The following ZNF385D variants were observed in gnomAD, a reference collection of about 807,000 sequenced individuals.
ZNF385D encodes the protein zinc finger protein 659.
In ZNF385D, 15 loss-of-function variants were observed where a neutral mutation model predicts 35.8. That is an observed-to-expected ratio of 0.42 (90% CI 0.28 to 0.64). The LOEUF (loss-of-function observed/expected upper bound fraction) is 0.64. Ranked by LOEUF, ZNF385D falls within the 30% of genes least tolerant of loss-of-function variation. ZNF385D has a pLI of 0.23. For missense variants in ZNF385D, 474 were observed against 494.6 expected (o/e 0.96, Z 0.39); for synonymous variants, 212 against 186.8 (o/e 1.13, Z -1.10).
intron 3 of ZNF385D, among the ~76,000 whole-genome samples, chr3:22,075,875 A>T (rs955351810): frequency 2.7e-4 from 41 of 151,868 alleles, no homozygotes; most frequent in Admixed American, 2.6e-3. Flanking sequence ...TGTCTTCCCA[A>T]ACTTCGTAAA....
intron 2 of ZNF385D, among the ~76,000 whole-genome samples, chr3:21,636,504 A>G (rs888601539): frequency 6.7e-6 from 1 of 150,012 alleles, no homozygotes. Flanking sequence ...GCCAGTCCGA[A>G]TCCCAAAGCT....
At chr3:22,269,718 T>TG (rs1349887556) in intron 2 of ZNF385D, among the ~76,000 whole-genome samples, 5 of 151,846 alleles carry the variant, frequency 3.3e-5, no homozygotes, top group African/African-American at 7.3e-5. Flanking sequence ...TCTCTTTTTT[T>TG]GGGGGGAGGG....
intron 1 of ZNF385D, among the ~76,000 whole-genome samples, chr3:21,744,796 A>G (rs1221546306): frequency 6.6e-6 from 1 of 152,178 alleles, no homozygotes; most frequent in African/African-American, 2.4e-5. Context: ...AATTTATCAC[A>G]TTTAATTTAA....
intron 3 of ZNF385D, among the ~76,000 whole-genome samples, chr3:22,145,690 A>G (rs1169284969): frequency 1.3e-5 from 2 of 152,222 alleles, no homozygotes; most frequent in African/African-American, 4.8e-5. Context: ...GCAGGAAGAA[A>G]TCAGACCTAA....
rs985073446 is a variant in ZNF385D at position 21,593,196 on chromosome 3, A to G, written c.166-28512T>C. Among the ~76,000 whole-genome samples the G allele has an allele frequency of 1.8e-4, 27 of 152,258 alleles. 1 individual carries two copies. The highest frequency in any genetic ancestry group is 1.2e-3 in the Admixed American group (18 of 15,296). ...AACTCAACTCACTTACTGTTTTACA[A>G]TGAGGACTCTGGCTATCTGTCCTTA... On this transcript the variant is annotated intron_variant, in intron 2 of 7. Coordinates refer to ENST00000281523, the MANE Select transcript of ZNF385D (RefSeq NM_024697.3).
chr3:21,869,936 A>C (rs1697593572), intron 3 of ZNF385D, among the ~76,000 whole-genome samples: 1 of 152,128 alleles, frequency 6.6e-6, no homozygotes, highest in Non-Finnish European at 1.5e-5. Flanking sequence ...TAAGATTAAA[A>C]TTGATTAAAG....
intron 3 of ZNF385D, among the ~76,000 whole-genome samples, chr3:21,816,298 C>T (rs1345140111): frequency 6.6e-6 from 1 of 152,126 alleles, no homozygotes; most frequent in Non-Finnish European, 1.5e-5. Flanking sequence ...CTCACCACTC[C>T]TATGCAAAAT....
chr3:21,629,936 T>G (rs988627399), intron 2 of ZNF385D, among the ~76,000 whole-genome samples: 3 of 152,138 alleles, frequency 2.0e-5, no homozygotes, highest in African/African-American at 7.2e-5. Flanking sequence ...TTTACTGCAA[T>G]GATATGGTTA....
chr3:22,162,380 T>C (rs1270798329), intron 3 of ZNF385D, among the ~76,000 whole-genome samples: 1 of 152,116 alleles, frequency 6.6e-6, no homozygotes, highest in South Asian at 2.1e-4. Context: ...AAACAGCAGA[T>C]GCAAACAGGC....
At chr3:21,737,124 G>C (rs567155127) in intron 1 of ZNF385D, among the ~76,000 whole-genome samples, 4 of 152,104 alleles carry the variant, frequency 2.6e-5, no homozygotes, top group Non-Finnish European at 5.9e-5. Context: ...ATTTTTAGTA[G>C]GAACGGAGTT....
At chr3:21,636,230 G>T (rs3996209) in intron 2 of ZNF385D, among the ~76,000 whole-genome samples, 2 of 149,846 alleles carry the variant, frequency 1.3e-5, no homozygotes, top group East Asian at 2.0e-4. Context: ...ATTATTTTTT[G>T]ATTTTTTTTT....
intron 1 of ZNF385D, among the ~76,000 whole-genome samples, chr3:21,687,104 C>A (rs1023301499): frequency 1.3e-5 from 2 of 152,114 alleles, no homozygotes; most frequent in Admixed American, 6.5e-5. Flanking sequence ...GGTAAGGAAG[C>A]CAGACCAGCT....
chr3:21,618,570 GA>G (rs1356729497), intron 2 of ZNF385D, among the ~76,000 whole-genome samples: 1 of 152,098 alleles, frequency 6.6e-6, no homozygotes, highest in Non-Finnish European at 1.5e-5. Flanking sequence ...AGGCATGTCT[GA>G]ATTATCTGTA....
chr3:22,095,269 T>C (rs1701553720), intron 3 of ZNF385D, among the ~76,000 whole-genome samples: 2 of 151,884 alleles, frequency 1.3e-5, no homozygotes, highest in South Asian at 4.1e-4. Context: ...TCAGTATAAA[T>C]CGTTTTATAT....
intron 3 of ZNF385D, among the ~76,000 whole-genome samples, chr3:22,104,421 C>A (rs1466656359): frequency 3.3e-5 from 5 of 152,104 alleles, no homozygotes; most frequent in Non-Finnish European, 5.9e-5. Context: ...TAATGACATT[C>A]TTCTGCAGGT....
At chr3:22,076,268 G>T (rs966394442) in intron 3 of ZNF385D, among the ~76,000 whole-genome samples, 1 of 151,618 alleles carries the variant, frequency 6.6e-6, no homozygotes, top group Non-Finnish European at 1.5e-5. Context: ...CTCCATTATT[G>T]TGGCCTGGTC....
chr3:21,691,980 G>A (rs919891070), intron 1 of ZNF385D, among the ~76,000 whole-genome samples: 1 of 152,070 alleles, frequency 6.6e-6, no homozygotes, highest in Non-Finnish European at 1.5e-5. Flanking sequence ...GTCATATAAC[G>A]TTTGTACTTT....
At chr3:21,528,567 T>C (rs1486778251) in intron 3 of ZNF385D, among the ~76,000 whole-genome samples, 1 of 152,144 alleles carries the variant, frequency 6.6e-6, no homozygotes, top group South Asian at 2.1e-4. Context: ...TGATGGAAGG[T>C]ACTGGATTCC....
intron 2 of ZNF385D, among the ~76,000 whole-genome samples, chr3:22,191,468 CAA>C (rs1696023992): frequency 7.3e-6 from 1 of 137,086 alleles, no homozygotes. Flanking sequence ...GCCTGGGCAA[CAA>C]GAGTGAAACT....
Sources: allele counts gnomAD v4.1 joint callset (sites outside exome capture counted in the v4.1 genomes callset), GRCh38; gene constraint gnomAD v4.1.1; transcripts MANE v1.5; gene names NCBI Gene and HGNC (gene_info 2026-07-23, HGNC 2026-07-21).